ANKRD10: variants seen among roughly 807,000 people sequenced by gnomAD.
The protein encoded by ANKRD10 is ankyrin repeat domain-containing protein 10.
A neutral mutation model predicts 27.0 loss-of-function variants in ANKRD10; 14 were observed. That is an observed-to-expected ratio of 0.52 (90% CI 0.34 to 0.81). ANKRD10 has a LOEUF of 0.81. Among genes scored for constraint, ANKRD10 ranks in the 40% least tolerant of loss-of-function variants. ANKRD10 has a pLI of 0.01. For synonymous variants in ANKRD10, 250 were observed against 224.5 expected, an observed-to-expected ratio of 1.11 and a Z score of -1.01; for missense variants, 493 against 544.0, an observed-to-expected ratio of 0.91 and a Z score of 0.93.
chr13:110,887,857 C>CAGT (rs2064973699), intron 4 of ANKRD10, among the ~76,000 whole-genome samples: 3 of 152,344 alleles, frequency 2.0e-5, no homozygotes, highest in African/African-American at 4.8e-5. Context: ...TTCCACTGAA[C>CAGT]TGAGTGCATC....
At position 110,879,895 on chromosome 13, in the gene ANKRD10, C is replaced by T. The variant is rs1225823154; in HGVS notation, c.1005G>A (p.Glu335=). 4 of 1,603,280 alleles carry T rather than the reference C, an allele frequency of 2.5e-6. No individual in the cohort carries two copies. The highest frequency in any genetic ancestry group is 3.4e-5 in the Admixed American group (2 of 58,304). Residue 335 remains glutamate (E), a synonymous_variant, in exon 6 of 6, where the codon GAG becomes GAA. Transcript: ENST00000267339. ...SLCISGTEEP[E]KTLRANPELC... ...ACTCAGGGTTAGCTCTCAGGGTCTT[C>T]TCTGGCTCCTCAGTCCCACTAATGC... is the stretch of plus-strand genomic sequence containing the variant.
In ANKRD10 at chr13:110,913,234, G is replaced by C. The variant is rs78707391; in HGVS notation, c.210+1491C>G. On this transcript the variant is annotated intron_variant, in intron 1 of 5. Coordinates refer to ENST00000267339, the MANE Select transcript of ANKRD10 (RefSeq NM_017664.4). ...TATTGTGTCGTTCTCAACCAGGGTA[G>C]AAAGGACAGAATCCTAAAGTTTAGT... is the stretch of plus-strand genomic sequence containing the variant. Among the ~76,000 whole-genome samples the C allele has an allele frequency of 7.2e-3, 1,102 of 152,332 alleles. 5 individuals are homozygous for C. The highest frequency in any genetic ancestry group is 0.012 in the Non-Finnish European group (792 of 68,032).
intron 4 of ANKRD10, among the ~76,000 whole-genome samples, chr13:110,887,272 A>C (rs1212687016): frequency 6.6e-6 from 1 of 152,210 alleles, no homozygotes; most frequent in Non-Finnish European, 1.5e-5. Flanking sequence ...TGTATGAGCT[A>C]TTCAGGATCA....
intron 3 of ANKRD10, among the ~76,000 whole-genome samples, chr13:110,902,133 T>C (rs150613908): frequency 6.7e-6 from 1 of 150,268 alleles, no homozygotes; most frequent in Non-Finnish European, 1.5e-5. Context: ...TCAGAAAATA[T>C]GAATTCAGAG....
Position 110,886,898 on chromosome 13 carries a change from T to A in ANKRD10, c.692-3105A>T, listed in dbSNP as rs183602279. On this transcript the variant is annotated intron_variant, in intron 4 of 5. Coordinates refer to ENST00000267339, the MANE Select transcript of ANKRD10 (RefSeq NM_017664.4). ...TAGTATGACCACTTTTTTCAAAGGG[T>A]CTTCACCTGCTGACTGTAAAAGCAG... Among the ~76,000 whole-genome samples the A allele has an allele frequency of 3.9e-5, 6 of 152,298 alleles. No individual in the cohort carries two copies. The East Asian group carries it at 1.2e-3, about 29-fold the overall frequency.
chr13:110,901,146 T>G (rs1955182640), intron 3 of ANKRD10, among the ~76,000 whole-genome samples: 1 of 152,216 alleles, frequency 6.6e-6, no homozygotes, highest in South Asian at 2.1e-4. Context: ...ATTGTCCATT[T>G]GTAAAGATAA....
intron 4 of ANKRD10, among the ~76,000 whole-genome samples, chr13:110,890,295 G>A (rs535431160): frequency 9.2e-5 from 14 of 152,186 alleles, no homozygotes; most frequent in Admixed American, 6.5e-4. Context: ...AAAAAATCCT[G>A]TTTTAATGAC....
At position 110,900,258 on chromosome 13, in the gene ANKRD10, C is replaced by T. The variant is rs371205895; in HGVS notation, c.455+5775G>A. Reference sequence around the variant, plus strand: ...ACTTTGTTTCAATTTTGAAAAACCACGGATCAGGAAATACCTGAAGTATAA... The same window carrying T: ...ACTTTGTTTCAATTTTGAAAAACCATGGATCAGGAAATACCTGAAGTATAA... On this transcript the variant is annotated intron_variant, in intron 3 of 5. Coordinates refer to ENST00000267339, the MANE Select transcript of ANKRD10 (RefSeq NM_017664.4). Among the ~76,000 whole-genome samples, 39 of 152,242 alleles carry T rather than the reference C, an allele frequency of 2.6e-4. No individual in the cohort carries two copies. In the East Asian group the frequency reaches 4.8e-3, roughly 19 times the overall value.
chr13:110,886,827 TATTG>T (rs756854190), intron 4 of ANKRD10, among the ~76,000 whole-genome samples: 12 of 152,208 alleles, frequency 7.9e-5, no homozygotes, highest in Non-Finnish European at 1.5e-4. Context: ...CCTATCTTAA[TATTG>T]ATTCTTAAAG....
chr13:110,905,358 G>C (rs1359810999), intron 3 of ANKRD10: 2 of 152,084 alleles, frequency 1.3e-5, no homozygotes, highest in Non-Finnish European at 2.9e-5. Context: ...ATTTCTAAAA[G>C]ACTACACGTA....
intron 1 of ANKRD10, 123 bp downstream of exon 1, chr13:110,914,602 C>T: frequency 7.2e-7 from 1 of 1,393,872 alleles, no homozygotes; most frequent in South Asian, 1.5e-5. Flanking sequence ...GGCACAGGCG[C>T]CGTCGATCCC....
Position 110,914,737 on chromosome 13 carries a change from C to T in ANKRD10, c.198G>A (p.Ala66=), listed in dbSNP as rs572904254. Residue 66 remains alanine (A), a synonymous_variant, in exon 1 of 6, where the codon GCG becomes GCA. Transcript: ENST00000267339. ...CGTTCGCACCCACCTTGCCGAAATG[C>T]GCGGCCCAGTGCACGGGCGTCCAGC... ...FYGWTPVHWA[A]HFGKLECLVQ... 3.8e-6 allele frequency: 6 copies of T among 1,586,232 alleles called. No individual in the cohort carries two copies. The highest frequency in any genetic ancestry group is 1.3e-5 in the African/African-American group (1 of 74,112).
At chr13:110,889,906 A>ATTAT (rs1291133251) in intron 4 of ANKRD10, among the ~76,000 whole-genome samples, 1 of 152,222 alleles carries the variant, frequency 6.6e-6, no homozygotes, top group East Asian at 1.9e-4. Context: ...CAGCCAAGAT[A>ATTAT]TTATCCCTGG....
chr13:110,900,408 C>T (rs1037185116), intron 3 of ANKRD10: 14 of 598,256 alleles, frequency 2.3e-5, no homozygotes, highest in Non-Finnish European at 2.6e-5. Flanking sequence ...CTCAACTTAG[C>T]TATTGTTAGT....
chr13:110,898,333 T>A (rs926235583), intron 3 of ANKRD10, among the ~76,000 whole-genome samples: 3 of 152,218 alleles, frequency 2.0e-5, no homozygotes, highest in African/African-American at 7.2e-5. Context: ...TTAGAACAAA[T>A]AATCATTAAA....
chr13:110,901,707 C>G (rs112073389), intron 3 of ANKRD10, among the ~76,000 whole-genome samples: 1 of 152,006 alleles, frequency 6.6e-6, no homozygotes, highest in Non-Finnish European at 1.5e-5. Flanking sequence ...CCTTAACAAC[C>G]GGAAAATAGC....
chr13:110,906,215 C>T (rs1329664942), intron 2 of ANKRD10, 91 bp from the exon 3 acceptor site: 9 of 977,308 alleles, frequency 9.2e-6, no homozygotes, highest in Admixed American at 2.5e-5. Flanking sequence ...CAGAGACCTT[C>T]TCATCCTTTT....
At chr13:110,914,410 A>C in intron 1 of ANKRD10, 1 of 211,820 alleles carries the variant, frequency 4.7e-6, no homozygotes, top group Non-Finnish European at 9.3e-6. Context: ...GATCCGGCCA[A>C]CAGGCGCCGG....
At chr13:110,913,340 G>A (rs2065775971) in intron 1 of ANKRD10, among the ~76,000 whole-genome samples, 1 of 152,178 alleles carries the variant, frequency 6.6e-6, no homozygotes, top group South Asian at 2.1e-4. Flanking sequence ...TCTATTTAAG[G>A]CTGCACGCAG....
Sources: allele counts gnomAD v4.1 joint callset (sites outside exome capture counted in the v4.1 genomes callset), GRCh38; gene constraint gnomAD v4.1.1; transcripts MANE v1.5; gene names NCBI Gene and HGNC (gene_info 2026-07-23, HGNC 2026-07-21).